Variants in XKR4 observed in about 807,000 individuals in gnomAD.
XKR4 encodes the protein XK related 4.
A neutral mutation model predicts 53.9 loss-of-function variants in XKR4; 12 were observed. The ratio of observed to expected loss-of-function variants is 0.22; its 90% CI spans 0.14 to 0.36. The LOEUF is 0.36. XKR4 is among the 10% of genes least tolerant of loss of function. The probability of loss-of-function intolerance (pLI) is 1.00; values close to 1 mark genes in which losing one functional copy is unlikely to be tolerated. For missense variants in XKR4, 799 were observed against 859.5 expected (o/e 0.93, Z 0.88); for synonymous variants, 354 against 362.4 (o/e 0.98, Z 0.26).
chr8:55,482,811 T>A (rs1322674188), intron 2 of XKR4, among the ~76,000 whole-genome samples: 2 of 152,190 alleles, frequency 1.3e-5, no homozygotes, highest in Non-Finnish European at 1.5e-5. Context: ...CAAAACAGAA[T>A]TTTTATTTTT....
intron 2 of XKR4, among the ~76,000 whole-genome samples, chr8:55,522,445 A>G (rs776706073): frequency 1.4e-4 from 22 of 152,234 alleles, no homozygotes; most frequent in Non-Finnish European, 3.2e-4. Flanking sequence ...TGCACCAGGT[A>G]TCACAAGAAA....
At chr8:55,297,911 C>G (rs951900492) in intron 1 of XKR4, among the ~76,000 whole-genome samples, 3 of 152,090 alleles carry the variant, frequency 2.0e-5, no homozygotes, top group Admixed American at 6.6e-5. Context: ...TAGAAGAAAA[C>G]AAGCAATAAG....
intron 1 of XKR4, among the ~76,000 whole-genome samples, chr8:55,309,166 G>A (rs1251202206): frequency 1.3e-5 from 2 of 152,192 alleles, no homozygotes; most frequent in Admixed American, 6.5e-5. Flanking sequence ...AAGTCACTTA[G>A]TGTGTGGAAA....
intron 1 of XKR4, among the ~76,000 whole-genome samples, chr8:55,103,881 A>G (rs1253439316): frequency 4.4e-5 from 6 of 137,552 alleles, no homozygotes; most frequent in Non-Finnish European, 9.1e-5. Context: ...ATATATATAT[A>G]TATATATATA....
Position 55,457,146 on chromosome 8 carries a change from C to CTTTTCTTTTTTTTTTT in XKR4, c.1007-66131_1007-66130insCTTTTTTTTTTTTTTT, listed in dbSNP as rs533607534. Among the ~76,000 whole-genome samples, 463 of 137,080 alleles carry CTTTTCTTTTTTTTTTT rather than the reference C, an allele frequency of 3.4e-3. 6 individuals carry two copies. The highest frequency in any genetic ancestry group is 5.2e-3 in the Non-Finnish European group (328 of 63,668). The allele number at this position is 137,080 out of a possible 152,430, so 89.9% of individuals were successfully genotyped here. A position where few individuals can be genotyped will look rare whatever the true frequency, so the allele number is the denominator to read the frequency against. ...CAAGTGCTGAATTTTTTTTCCTTTTCTTTTTTTTTTTTTTGAGACTGAGTC... is the reference window on the plus strand; with the variant it reads ...CAAGTGCTGAATTTTTTTTCCTTTTCTTTTCTTTTTTTTTTTTTTTTTTTTTTTTTGAGACTGAGTC... On this transcript the variant is annotated intron_variant, in intron 2 of 2. Coordinates refer to ENST00000327381, the MANE Select transcript of XKR4 (RefSeq NM_052898.2).
At chr8:55,393,252 GA>G (rs1433733933) in intron 2 of XKR4, among the ~76,000 whole-genome samples, 1 of 151,956 alleles carries the variant, frequency 6.6e-6, no homozygotes, top group Admixed American at 6.6e-5. Context: ...CTCTTCTTCA[GA>G]AAATAACAAA....
chr8:55,233,028 C>T (rs544574369), intron 1 of XKR4, among the ~76,000 whole-genome samples: 6 of 152,202 alleles, frequency 3.9e-5, no homozygotes, highest in East Asian at 1.9e-4. Context: ...GGTGTATCTG[C>T]GTGGGAGGAA....
chr8:55,111,515 G>T (rs925941151), intron 1 of XKR4, among the ~76,000 whole-genome samples: 1 of 152,164 alleles, frequency 6.6e-6, no homozygotes, highest in South Asian at 2.1e-4. Context: ...CCAGGAACTG[G>T]CATGGTTCAT....
intron 2 of XKR4, among the ~76,000 whole-genome samples, chr8:55,499,072 T>C (rs1234821280): frequency 6.6e-6 from 1 of 152,354 alleles, no homozygotes; most frequent in East Asian, 1.9e-4. Flanking sequence ...TCATTTGGTC[T>C]TCTCCTGGTT....
At chr8:55,178,367 C>A (rs976823576) in intron 1 of XKR4, among the ~76,000 whole-genome samples, 1 of 152,042 alleles carries the variant, frequency 6.6e-6, no homozygotes, top group Non-Finnish European at 1.5e-5. Context: ...CCAGACTCTC[C>A]CCGTCTGTAA....
intron 2 of XKR4, chr8:55,453,962 T>C (rs1254772703): frequency 2.8e-6 from 2 of 708,574 alleles, no homozygotes; most frequent in Non-Finnish European, 5.2e-6. Context: ...CAGCCCACAC[T>C]GGCCCAGGAA....
chr8:55,124,919 A>G (rs2129352369), intron 1 of XKR4, among the ~76,000 whole-genome samples: 1 of 152,320 alleles, frequency 6.6e-6, no homozygotes, highest in Middle Eastern at 3.4e-3. Context: ...ATTTTATTCA[A>G]AGGTGATTAG....
At chr8:55,304,438 AGGTGT>A (rs1244282673) in intron 1 of XKR4, among the ~76,000 whole-genome samples, 4 of 152,150 alleles carry the variant, frequency 2.6e-5, no homozygotes, top group Admixed American at 1.3e-4. Context: ...ATTTTGGAAT[AGGTGT>A]GGTGTGGTGC....
At chr8:55,514,869 C>T (rs1806687572) in intron 2 of XKR4, among the ~76,000 whole-genome samples, 1 of 152,148 alleles carries the variant, frequency 6.6e-6, no homozygotes, top group African/African-American at 2.4e-5. Context: ...CTCCCATTTA[C>T]AGAATTTTTT....
At position 55,102,585 on chromosome 8, in the gene XKR4, G is replaced by C. The variant is rs371074698; in HGVS notation, c.97G>C (p.Gly33Arg). The C allele has an allele frequency of 1.8e-5, 27 of 1,521,226 alleles. No individual in the cohort carries two copies. Among genetic ancestry groups the C allele is most frequent in the Non-Finnish European group, 2.4e-5 (27 of 1,129,964 alleles). 94.2% of individuals were successfully genotyped at this position (1,521,226 alleles called of 1,614,324 possible). Residue 33 changes from glycine (G) to arginine (R), a missense_variant, in exon 1 of 3, where the codon GGA becomes CGA. Coordinates refer to ENST00000327381, the MANE Select transcript of XKR4 (RefSeq NM_052898.2). The surrounding 1 kb of genome is among the most constrained non-coding windows in gnomAD (Gnocchi z 5.1). Reference sequence around the variant, plus strand: ...CTCGGACCACTCGGGCTCGGTGCAGGGATTGGCTCCAGGCTTGCCGTCGGG... The same window carrying C: ...CTCGGACCACTCGGGCTCGGTGCAGCGATTGGCTCCAGGCTTGCCGTCGGG... ...QNSDHSGSVQ[G>R]LAPGLPSGSG... is the part of the protein sequence containing the mutation.
At chr8:55,516,475 A>C (rs999531769) in intron 2 of XKR4, among the ~76,000 whole-genome samples, 1 of 152,078 alleles carries the variant, frequency 6.6e-6, no homozygotes, top group African/African-American at 2.4e-5. Flanking sequence ...CCTCTAAAAA[A>C]TGTTGAAATC....
intron 2 of XKR4, among the ~76,000 whole-genome samples, chr8:55,518,685 G>A (rs1437972913): frequency 6.6e-6 from 1 of 152,164 alleles, no homozygotes; most frequent in Non-Finnish European, 1.5e-5. Flanking sequence ...ACACAGTTCT[G>A]GGGCTCAGAA....
intron 1 of XKR4, among the ~76,000 whole-genome samples, chr8:55,138,779 C>A (rs1246955370): frequency 1.3e-5 from 2 of 152,100 alleles, no homozygotes; most frequent in African/African-American, 4.8e-5. Context: ...GGAGGTGGTT[C>A]TTTTGCTTGC....
intron 1 of XKR4, chr8:55,273,030 T>A (rs757876224): frequency 2.7e-6 from 1 of 371,034 alleles, no homozygotes; most frequent in Non-Finnish European, 5.3e-6. Context: ...GATGTGGTGA[T>A]GTAATTCCAT....
Sources: gnomAD v4.1 joint callset for allele counts (sites outside exome capture counted in the v4.1 genomes callset) on GRCh38, gnomAD v4.1.1 for gene constraint, Gnocchi (gnomAD v3.1) non-coding constraint, MANE v1.5 for transcripts, NCBI Gene and HGNC (gene_info 2026-07-23, HGNC 2026-07-21) for gene names.